SUPT20H: variants seen among roughly 807,000 people sequenced by gnomAD.
SUPT20H encodes the protein SPT20 homolog, SAGA complex component.
SUPT20H carries 82 observed loss-of-function variants against 122.8 expected under a neutral mutation model. The observed-to-expected ratio is 0.67, with a 90% CI of 0.56 to 0.80. The LOEUF is 0.80. SUPT20H is among the 30% of genes least tolerant of loss of function. The probability of loss-of-function intolerance (pLI) is 0.00; values close to 1 mark genes in which losing one functional copy is unlikely to be tolerated. For missense variants in SUPT20H, 831 were observed against 921.6 expected (o/e 0.90, Z 1.27); for synonymous variants, 291 against 313.0 (o/e 0.93, Z 0.74).
intron 22 of SUPT20H, 81 bp downstream of exon 22, chr13:37,019,261 G>T: frequency 3.0e-6 from 3 of 1,006,692 alleles, no homozygotes; most frequent in Non-Finnish European, 2.9e-6. Context: ...AATTTCAAGT[G>T]CTGATACATA....
chr13:37,013,418 A>G (rs2059928680), intron 23 of SUPT20H: 1 of 151,948 alleles, frequency 6.6e-6, no homozygotes, highest in South Asian at 2.1e-4. Context: ...ACAATTGGAT[A>G]CTGATAGGAA....
chr13:37,029,975 C>T (rs186043014), intron 12 of SUPT20H, 139 bp from the exon 13 acceptor site: 21 of 591,604 alleles, frequency 3.5e-5, no homozygotes, highest in Admixed American at 2.0e-4. Context: ...CTTAAATTAC[C>T]GGTATCAACT....
At chr13:37,047,723 G>A in intron 4 of SUPT20H, 122 bp from the exon 5 acceptor site, 2 of 1,196,682 alleles carry the variant, frequency 1.7e-6, no homozygotes, top group Non-Finnish European at 2.2e-6. Context: ...AAACTGGGGT[G>A]GAGCTGAATA....
At chr13:37,056,444 G>A (rs1375155832) in intron 1 of SUPT20H, among the ~76,000 whole-genome samples, 1 of 152,176 alleles carries the variant, frequency 6.6e-6, no homozygotes, top group East Asian at 1.9e-4. Flanking sequence ...CATAAAAAAT[G>A]ATGAGTTCAT....
chr13:37,034,986 C>T (rs1016153376), intron 9 of SUPT20H, among the ~76,000 whole-genome samples: 26 of 152,172 alleles, frequency 1.7e-4, no homozygotes. Context: ...TAGAGACCTA[C>T]TGCTCAGAAA....
chr13:37,021,698 C>A, intron 20 of SUPT20H, 96 bp from the exon 21 acceptor site: 2 of 1,299,882 alleles, frequency 1.5e-6, no homozygotes, highest in South Asian at 3.1e-5. Flanking sequence ...ACTAAGCAAA[C>A]ACAACTAGTT....
chr13:37,028,375 A>G, intron 13 of SUPT20H, 70 bp from the exon 14 acceptor site: 3 of 1,405,810 alleles, frequency 2.1e-6, no homozygotes, highest in Non-Finnish European at 2.9e-6. Context: ...AGTAAAAATC[A>G]GGAATAAATG....
chr13:37,009,418 C>G lies in SUPT20H; in HGVS notation c.*254G>C, dbSNP rs2059210769. 1 of 750,704 alleles carries G rather than the reference C, an allele frequency of 1.3e-6. No homozygotes were observed. Among genetic ancestry groups the G allele is most frequent in the Non-Finnish European group, 2.2e-6 (1 of 457,314 alleles). 46.5% of individuals were successfully genotyped at this position (750,704 alleles called of 1,614,324 possible). A position where few individuals can be genotyped will look rare whatever the true frequency, so the allele number is the denominator to read the frequency against. ...CTTCTGAAAGATGTTTCTATTATTTCTTAGGTCACTTCCATATATATTATG... is the reference window on the plus strand; with the variant it reads ...CTTCTGAAAGATGTTTCTATTATTTGTTAGGTCACTTCCATATATATTATG... On this transcript the variant is annotated 3_prime_UTR_variant, in exon 26 of 26. Transcript: ENST00000350612.
Position 37,026,836 on chromosome 13 carries a change from A to G in SUPT20H, c.1152-20T>C, listed in dbSNP as rs1244703601. ...GACGAGCTGAAATATAAAATGTAAA[A>G]AAAAGCTTAGTTAATGCAGCTCAAA... On this transcript the variant is annotated intron_variant, in intron 14 of 25. Transcript: ENST00000350612. 2.1e-6 allele frequency: 3 copies of G among 1,418,148 alleles called. No homozygotes were observed. The highest frequency in any genetic ancestry group is 2.9e-5 in the Admixed American group (1 of 33,922). 87.8% of individuals were successfully genotyped at this position (1,418,148 alleles called of 1,614,324 possible). A position where few individuals can be genotyped will look rare whatever the true frequency, so the allele number is the denominator to read the frequency against.
At position 37,059,654 on chromosome 13, in the gene SUPT20H, A is replaced by G. The variant is rs2070223310; in HGVS notation, c.-189T>C. ...GTCGGCGGCTCAGTGCTGCACCCCC[A>G]CCAACAGCCAGTTCCGGCGGCCGCA... On this transcript the variant is annotated 5_prime_UTR_variant, in exon 1 of 26. Transcript: ENST00000350612. 6.6e-6 allele frequency: 1 copy of G among 152,314 alleles called. No homozygotes were observed. Among genetic ancestry groups the G allele is most frequent in the African/African-American group, 2.4e-5 (1 of 41,442 alleles). The allele number at this position is 152,314 out of a possible 1,614,324, so 9.4% of individuals were successfully genotyped here.
intron 1 of SUPT20H, among the ~76,000 whole-genome samples, chr13:37,053,749 A>G (rs1399540580): frequency 6.6e-6 from 1 of 152,142 alleles, no homozygotes; most frequent in Non-Finnish European, 1.5e-5. Context: ...AAACAAAAAC[A>G]AAACGAAACC....
Position 37,040,596 on chromosome 13 carries a change from G to GA in SUPT20H, c.492dup (p.Leu165SerfsTer12), listed in dbSNP as rs1566279985. 4 of 1,614,084 alleles carry GA rather than the reference G, an allele frequency of 2.5e-6. No homozygotes were observed. The highest frequency in any genetic ancestry group is 2.5e-6 in the Non-Finnish European group (3 of 1,179,980). ...CTTACCTGCATTGTTGGACGTAAGA[G>GA]AATGTGCCGACTTTGGTAACCAGGA... is the stretch of plus-strand genomic sequence containing the variant. On this transcript the variant is annotated frameshift_variant, in exon 8 of 26. Transcript: ENST00000350612. LOFTEE classifies it high-confidence loss of function.
At chr13:37,051,388 T>G in intron 2 of SUPT20H, 100 bp downstream of exon 2, 2 of 1,281,292 alleles carry the variant, frequency 1.6e-6, no homozygotes. Flanking sequence ...CTGTACAGCT[T>G]ACAAGAGTAT....
At chr13:37,017,516 T>TAA in intron 22 of SUPT20H, 152 bp from the exon 23 acceptor site, 2 of 790,278 alleles carry the variant, frequency 2.5e-6, no homozygotes, top group Non-Finnish European at 3.8e-6. Context: ...TGGCTGCCCT[T>TAA]AAAAAAAAGA....
At position 37,012,243 on chromosome 13, in the gene SUPT20H, C is replaced by T. The variant is rs759894039; in HGVS notation, c.2047G>A (p.Ala683Thr). 2.5e-6 allele frequency: 4 copies of T among 1,613,430 alleles called. No individual in the cohort carries two copies. Among genetic ancestry groups the T allele is most frequent in the East Asian group, 2.2e-5 (1 of 44,812 alleles). ...QEQALSAQQA[A>T]VINLTGVGSF... ...CCTACTCCAGTAAGGTTAATAACAG[C>T]AGCTTGCTGAGCAGATAAGGCCTGT... Residue 683 changes from alanine (A) to threonine (T), a missense_variant, in exon 24 of 26, where the codon GCT becomes ACT. Transcript: ENST00000350612.
intron 21 of SUPT20H, 117 bp downstream of exon 21, chr13:37,021,331 T>C (rs1467606430): frequency 8.9e-7 from 1 of 1,117,648 alleles, no homozygotes; most frequent in East Asian, 2.8e-5. Flanking sequence ...ATATATGTGA[T>C]ACAACACTTC....
intron 22 of SUPT20H, 44 bp from the exon 23 acceptor site, chr13:37,017,408 T>C (rs760233184): frequency 9.8e-6 from 15 of 1,529,712 alleles, no homozygotes; most frequent in Non-Finnish European, 1.3e-5. Context: ...CACATGATTT[T>C]ATATCAAATA....
At chr13:37,012,074 T>C in intron 24 of SUPT20H, 118 bp downstream of exon 24, 1 of 759,122 alleles carries the variant, frequency 1.3e-6, no homozygotes, top group Non-Finnish European at 2.2e-6. Context: ...ATTATAGCTT[T>C]ACTTTTTCCT....
Position 37,043,989 on chromosome 13 carries a change from A to G in SUPT20H, c.396+89T>C, listed in dbSNP as rs905318335. The G allele has an allele frequency of 8.4e-6, 6 of 714,460 alleles. No individual in the cohort carries two copies. The African/African-American group carries it at 1.1e-4, about 13-fold the overall frequency. The allele number at this position is 714,460 out of a possible 1,614,324, so 44.3% of individuals were successfully genotyped here. On this transcript the variant is annotated intron_variant, in intron 7 of 25. Transcript: ENST00000350612. ...AAACATCATGTAGTCGTTTATATAC[A>G]TATATGTATACATACATAAAAATGT...
Sources: allele counts gnomAD v4.1 joint callset (sites outside exome capture counted in the v4.1 genomes callset), GRCh38; gene constraint gnomAD v4.1.1; transcripts MANE v1.5; gene names NCBI Gene and HGNC (gene_info 2026-07-23, HGNC 2026-07-21).